Variants in RNF212 observed in about 807,000 individuals in gnomAD.
RNF212 encodes the protein ring finger protein 212, also known as probable E3 SUMO-protein ligase RNF212.
In RNF212, 33 loss-of-function variants were observed where a neutral mutation model predicts 34.7. The observed-to-expected ratio is 0.95, with a 90% CI of 0.72 to 1.27. RNF212 has a LOEUF of 1.27. Ranked by LOEUF, RNF212 falls within the 50% of genes most tolerant of loss-of-function variation. The pLI, the probability that RNF212 is intolerant of heterozygous loss-of-function variation, is 0.00. For synonymous variants in RNF212, 140 were observed against 136.1 expected, an observed-to-expected ratio of 1.03 and a Z score of -0.20; for missense variants, 377 against 362.2, an observed-to-expected ratio of 1.04 and a Z score of -0.33.
chr4:1,096,960 G>A, intron 2 of RNF212, 121 bp from the exon 3 acceptor site: 1 of 762,722 alleles, frequency 1.3e-6, no homozygotes, highest in Non-Finnish European at 2.3e-6. Context: ...CCAGCACATT[G>A]TGAATGGCCT....
At chr4:1,060,672 G>T (rs1333663550) in intron 3 of RNF212, among the ~76,000 whole-genome samples, 2 of 152,268 alleles carry the variant, frequency 1.3e-5, no homozygotes, top group Non-Finnish European at 2.9e-5. Context: ...GACATTTGAA[G>T]AGAGTAAATT....
At chr4:1,099,945 TATC>T (rs1490519977) in intron 2 of RNF212, 3 of 450,442 alleles carry the variant, frequency 6.7e-6, no homozygotes, top group Admixed American at 4.7e-5. Flanking sequence ...AGAGGGCTCT[TATC>T]ATCATGGAGG....
At chr4:1,101,599 A>G in intron 2 of RNF212, 1 of 168,806 alleles carries the variant, frequency 5.9e-6, no homozygotes, top group Non-Finnish European at 1.3e-5. Context: ...TAGTTATAGA[A>G]AAATTAAAAT....
intron 3 of RNF212, among the ~76,000 whole-genome samples, chr4:1,059,035 A>G (rs1055993881): frequency 6.6e-6 from 1 of 152,242 alleles, no homozygotes; most frequent in Non-Finnish European, 1.5e-5. Flanking sequence ...TGAGTTCTCA[A>G]GCAACACCTG....
intron 3 of RNF212, among the ~76,000 whole-genome samples, chr4:1,063,422 T>C (rs1717878001): frequency 6.6e-6 from 1 of 152,140 alleles, no homozygotes; most frequent in South Asian, 2.1e-4. Flanking sequence ...TCAGAAATAA[T>C]GGAAATGGCT....
At chr4:1,090,707 G>C in intron 4 of RNF212, 75 bp downstream of exon 4, 1 of 818,248 alleles carries the variant, frequency 1.2e-6, no homozygotes, top group Non-Finnish European at 2.2e-6. Context: ...TGAGAGCAAG[G>C]TGTTAATTAA....
At position 1,081,742 on chromosome 4, in the gene RNF212, G is replaced by A. The variant is rs567423049; in HGVS notation, c.363-123C>T. 694 of 708,198 alleles carry A rather than the reference G, an allele frequency of 9.8e-4. 6 individuals are homozygous for A. The highest frequency in any genetic ancestry group is 7.8e-3 in the South Asian group (457 of 58,308). The allele number at this position is 708,198 out of a possible 1,614,324, so 43.9% of individuals were successfully genotyped here. A position where few individuals can be genotyped will look rare whatever the true frequency, so the allele number is the denominator to read the frequency against. The stretch of plus-strand genomic sequence containing the variant: ...AATGTTCTTACTGGGTTTGCAAACG[G>A]CATTTCACATGAATTCAGCAGTTCC... On this transcript the variant is annotated intron_variant, in intron 5 of 9. Coordinates refer to ENST00000433731, the MANE Select transcript of RNF212 (RefSeq NM_001131034.4).
In RNF212 at chr4:1,090,835, A is replaced by C; in HGVS notation, c.250T>G (p.Leu84Val). The C allele has an allele frequency of 6.3e-7, 1 of 1,585,826 alleles. No individual in the cohort carries two copies. Among genetic ancestry groups the C allele is most frequent in the Non-Finnish European group, 8.7e-7 (1 of 1,155,136 alleles). Residue 84 changes from leucine (L) to valine (V), a missense_variant, in exon 4 of 10, where the codon TTA (leucine) becomes GTA (valine). Leu to Val is a conservative substitution (Grantham distance 32, BLOSUM62 1). Transcript: ENST00000433731. ...TTCCTGTGTTTTTCTTGAAATTCTA[A>C]AATCTGAAAAGATCATAGGTTTCAG... ...KKYSRETSQI[L>V]EFQEKHRKRL... is the part of the protein sequence containing the mutation.
chr4:1,058,199 T>A, intron 4 of RNF212: 1 of 178,852 alleles, frequency 5.6e-6, no homozygotes, highest in Non-Finnish European at 1.0e-5. Context: ...AGCAGTTTTA[T>A]TTTGCTGACA....
chr4:1,072,971 G>A lies in RNF212; in HGVS notation c.797C>T (p.Pro266Leu), dbSNP rs766729338. 11 of 1,614,184 alleles carry A rather than the reference G, an allele frequency of 6.8e-6. No individual in the cohort carries two copies. The highest frequency in any genetic ancestry group is 3.3e-5 in the South Asian group (3 of 91,080). ...CAGGGTGCCCTCAGCCTGCTGGAAC[G>A]GAAACAAGACGGCCCTTTGTACCTC... ...YAEVQRAVLFPFQQAEGTLDT... is the reference protein window; with the variant it reads ...YAEVQRAVLFLFQQAEGTLDT... The change falls in exon 10 of 10, where the codon CCG (proline) becomes CTG (leucine). Residue 266 changes from proline to leucine, a missense_variant. Physicochemically the swap from Pro to Leu is moderately conservative, Grantham distance 98 (BLOSUM62 -3). Coordinates refer to ENST00000433731, the MANE Select transcript of RNF212 (RefSeq NM_001131034.4).
intron 1 of RNF212, among the ~76,000 whole-genome samples, chr4:1,108,724 G>T (rs1405445920): frequency 6.6e-6 from 1 of 152,104 alleles, no homozygotes; most frequent in Non-Finnish European, 1.5e-5. Flanking sequence ...TTGAGACAAG[G>T]TCTTGTTCTG....
At chr4:1,103,803 G>T (rs547828501) in intron 2 of RNF212, among the ~76,000 whole-genome samples, 4 of 152,168 alleles carry the variant, frequency 2.6e-5, no homozygotes, top group African/African-American at 9.7e-5. Flanking sequence ...CTGGAAGCTT[G>T]ACCCTGAAAT....
intron 2 of RNF212, among the ~76,000 whole-genome samples, chr4:1,099,266 G>T (rs1560150562): frequency 6.6e-6 from 1 of 152,152 alleles, no homozygotes; most frequent in South Asian, 2.1e-4. Context: ...TCAAGAAAAA[G>T]ACATTTTTTT....
intron 2 of RNF212, 59 bp from the exon 3 acceptor site, chr4:1,096,898 A>C (rs1308226845): frequency 7.0e-6 from 9 of 1,281,432 alleles, no homozygotes; most frequent in African/African-American, 1.4e-5. Flanking sequence ...TCTGGCCCCC[A>C]GTTAAAAACT....
chr4:1,098,408 G>A (rs1231447947), intron 2 of RNF212, among the ~76,000 whole-genome samples: 1 of 152,342 alleles, frequency 6.6e-6, no homozygotes, highest in Middle Eastern at 3.4e-3. Flanking sequence ...AGGTGCAGAT[G>A]AAGAGGTCCT....
intron 3 of RNF212, among the ~76,000 whole-genome samples, chr4:1,060,971 C>A (rs957198395): frequency 2.6e-5 from 4 of 152,206 alleles, no homozygotes; most frequent in African/African-American, 9.6e-5. Flanking sequence ...GTTATCTCTA[C>A]GAAGCCAAGT....
At chr4:1,086,298 A>T (rs1193402215) in intron 4 of RNF212, among the ~76,000 whole-genome samples, 4 of 151,926 alleles carry the variant, frequency 2.6e-5, no homozygotes, top group African/African-American at 4.8e-5. Context: ...CTGCCAGCTC[A>T]TCCCACGGCA....
At chr4:1,096,971 C>A in intron 2 of RNF212, 132 bp from the exon 3 acceptor site, 2 of 716,518 alleles carry the variant, frequency 2.8e-6, no homozygotes, top group South Asian at 1.6e-5. Flanking sequence ...TGAATGGCCT[C>A]TCAGGGGCCC....
chr4:1,069,479 G>T (rs1053659363), downstream of RNF212, among the ~76,000 whole-genome samples: 13 of 152,202 alleles, frequency 8.5e-5, no homozygotes, highest in African/African-American at 3.1e-4. Flanking sequence ...AGTGGCTGCA[G>T]TGAGAAAGCC....
Sources: allele counts gnomAD v4.1 joint callset (sites outside exome capture counted in the v4.1 genomes callset), GRCh38; gene constraint gnomAD v4.1.1; transcripts MANE v1.5; gene names NCBI Gene and HGNC (gene_info 2026-07-23, HGNC 2026-07-21).